FCHO2: variants seen among roughly 807,000 people sequenced by gnomAD.
The protein encoded by FCHO2 is FCH and mu domain containing endocytic adaptor 2.
In FCHO2, 43 loss-of-function variants were observed where a neutral mutation model predicts 114.1. The observed-to-expected ratio is 0.38, with a 90% CI of 0.30 to 0.49. The LOEUF is 0.49. Among genes scored for constraint, FCHO2 ranks in the 20% least tolerant of loss-of-function variants. The pLI is 0.97. For missense variants in FCHO2, 807 were observed against 950.4 expected (o/e 0.85, Z 1.98); for synonymous variants, 293 against 315.2 (o/e 0.93, Z 0.75).
intron 5 of FCHO2, among the ~76,000 whole-genome samples, chr5:73,002,790 T>G (rs1446204866): frequency 6.6e-6 from 1 of 152,206 alleles, no homozygotes. Context: ...TCAAGAAGCT[T>G]TCTTTTTCTT....
chr5:73,043,399 CACACACACAT>C (rs1435929112), intron 11 of FCHO2, among the ~76,000 whole-genome samples: 1 of 137,742 alleles, frequency 7.3e-6, no homozygotes, highest in Non-Finnish European at 1.6e-5. Flanking sequence ...CAAAACTTTA[CACACACACAT>C]ACACACACAC....
chr5:73,017,351 A>C (rs775786888), intron 8 of FCHO2, 43 bp downstream of exon 8: 1 of 1,277,696 alleles, frequency 7.8e-7, no homozygotes, highest in Non-Finnish European at 1.1e-6. Flanking sequence ...AAATTTTCCC[A>C]TATAGTAACT....
At chr5:73,028,319 T>A (rs1756049750) in intron 8 of FCHO2, among the ~76,000 whole-genome samples, 1 of 152,194 alleles carries the variant, frequency 6.6e-6, no homozygotes, top group Non-Finnish European at 1.5e-5. Context: ...CCTTGGCAGC[T>A]TCTTAGAAAT....
Position 73,067,560 on chromosome 5 carries a change from A to G in FCHO2, c.1450-1090A>G, listed in dbSNP as rs1429311981. On this transcript the variant is annotated intron_variant, in intron 18 of 25. Transcript: ENST00000430046. ...CAGTTTTATTAAAATGTGTATCTCT[A>G]AGTTTATATTCATGCAATGAAGAAT... Among the ~76,000 whole-genome samples, 84 of 152,176 alleles carry G rather than the reference A, an allele frequency of 5.5e-4. 1 individual carries two copies. The highest frequency in any genetic ancestry group is 1.5e-5 in the Non-Finnish European group (1 of 67,946).
chr5:72,988,992 T>G (rs1753685191), intron 2 of FCHO2, among the ~76,000 whole-genome samples: 2 of 152,302 alleles, frequency 1.3e-5, no homozygotes, highest in Admixed American at 1.3e-4. Flanking sequence ...GAGGATTGCT[T>G]GAGCCCTGGA....
Position 73,054,555 on chromosome 5 carries a change from T to A in FCHO2, c.1210+6T>A, listed in dbSNP as rs1757494281. 6.5e-7 allele frequency: 1 copy of A among 1,535,726 alleles called. No homozygotes were observed. Among genetic ancestry groups the A allele is most frequent in the Non-Finnish European group, 8.8e-7 (1 of 1,137,932 alleles). Reference sequence around the variant, plus strand: ...GATGAATCGGAATTTGTCTAGTAAGTTTGACATTTGAATTGTTTATTTTAT... The same window carrying A: ...GATGAATCGGAATTTGTCTAGTAAGATTGACATTTGAATTGTTTATTTTAT... On this transcript the variant is annotated splice_donor_region_variant and intron_variant, in intron 15 of 25. Coordinates refer to ENST00000430046, the MANE Select transcript of FCHO2 (RefSeq NM_138782.3).
intron 6 of FCHO2, among the ~76,000 whole-genome samples, chr5:73,013,158 A>G (rs1399022042): frequency 6.6e-6 from 1 of 152,218 alleles, no homozygotes; most frequent in African/African-American, 2.4e-5. Context: ...AAATTAATCA[A>G]TGACAAGTAT....
intron 2 of FCHO2, among the ~76,000 whole-genome samples, chr5:72,985,240 A>G (rs998063619): frequency 1.3e-5 from 2 of 151,780 alleles, no homozygotes; most frequent in African/African-American, 4.8e-5. Context: ...GACTCACTGC[A>G]ACCTCCACCT....
chr5:72,965,056 G>A (rs1004273505), intron 1 of FCHO2, among the ~76,000 whole-genome samples: 1 of 151,684 alleles, frequency 6.6e-6, no homozygotes, highest in East Asian at 1.9e-4. Flanking sequence ...TAAAGGGTTC[G>A]TGACTATCCA....
intron 20 of FCHO2, among the ~76,000 whole-genome samples, chr5:73,075,999 C>T (rs2112887961): frequency 6.6e-6 from 1 of 152,112 alleles, no homozygotes; most frequent in Middle Eastern, 3.4e-3. Context: ...GAAAAGAGAT[C>T]TGAAAACTAA....
chr5:72,957,680 A>G (rs1158671577), intron 1 of FCHO2, among the ~76,000 whole-genome samples: 1 of 152,164 alleles, frequency 6.6e-6, no homozygotes, highest in Non-Finnish European at 1.5e-5. Flanking sequence ...TTGTGTGAAC[A>G]TATGTTTTCA....
At chr5:73,000,002 TTAAC>T (rs1754345543) in intron 5 of FCHO2, among the ~76,000 whole-genome samples, 1 of 152,186 alleles carries the variant, frequency 6.6e-6, no homozygotes. Context: ...AGTGAATTAA[TTAAC>T]TAGTGAATTA....
At chr5:72,985,708 T>C (rs941749263) in intron 2 of FCHO2, among the ~76,000 whole-genome samples, 1 of 152,218 alleles carries the variant, frequency 6.6e-6, no homozygotes, top group African/African-American at 2.4e-5. Context: ...ATGTTAGCTA[T>C]CAGTCTAGTT....
chr5:73,011,655 A>C (rs1755019963), intron 6 of FCHO2, among the ~76,000 whole-genome samples: 1 of 152,158 alleles, frequency 6.6e-6, no homozygotes, highest in Admixed American at 6.6e-5. Context: ...TCACACTTGT[A>C]ATCCCAGCAC....
intron 15 of FCHO2, chr5:73,055,095 G>A (rs1561482492): frequency 5.2e-6 from 2 of 381,398 alleles, no homozygotes; most frequent in Non-Finnish European, 1.1e-5. Context: ...TTTAACATCA[G>A]TTTTATTAAA....
At chr5:73,001,142 A>G (rs1754410560) in intron 5 of FCHO2, among the ~76,000 whole-genome samples, 1 of 152,096 alleles carries the variant, frequency 6.6e-6, no homozygotes, top group Non-Finnish European at 1.5e-5. Context: ...CATGCCTGTA[A>G]TCCCAGTGCT....
At chr5:73,056,199 A>C in intron 16 of FCHO2, 92 bp downstream of exon 16, 7 of 918,482 alleles carry the variant, frequency 7.6e-6, no homozygotes, top group Non-Finnish European at 1.1e-5. Flanking sequence ...AAGCACAGAG[A>C]TTTCCCTTTA....
At chr5:73,050,709 T>C (rs1444127034) in intron 11 of FCHO2, among the ~76,000 whole-genome samples, 2 of 152,226 alleles carry the variant, frequency 1.3e-5, no homozygotes, top group African/African-American at 4.8e-5. Context: ...TACTGTATTA[T>C]GTTTTACTTC....
At chr5:72,968,829 C>T (rs973596294) in intron 2 of FCHO2, among the ~76,000 whole-genome samples, 1 of 152,076 alleles carries the variant, frequency 6.6e-6, no homozygotes, top group Non-Finnish European at 1.5e-5. Context: ...AAAATATTAT[C>T]TACATATTTT....
Sources: allele counts gnomAD v4.1 joint callset (sites outside exome capture counted in the v4.1 genomes callset), GRCh38; gene constraint gnomAD v4.1.1; transcripts MANE v1.5; gene names NCBI Gene and HGNC (gene_info 2026-07-23, HGNC 2026-07-21).